CREB5: variants seen among roughly 807,000 people sequenced by gnomAD.
The protein encoded by CREB5 is cyclic AMP-responsive element-binding protein 5.
CREB5 carries 19 observed loss-of-function variants against 57.1 expected under a neutral mutation model. The observed-to-expected ratio is 0.33, with a 90% CI of 0.23 to 0.49. The LOEUF (loss-of-function observed/expected upper bound fraction) is 0.49. Among genes scored for constraint, CREB5 ranks in the 20% least tolerant of loss-of-function variants. CREB5 has a pLI of 0.99. For synonymous variants in CREB5, 238 were observed against 238.3 expected, an observed-to-expected ratio of 1.00 and a Z score of 0.01; for missense variants, 579 against 671.6, an observed-to-expected ratio of 0.86 and a Z score of 1.52.
rs1810002430 is a variant in CREB5 at position 28,825,344 on chromosome 7, G to A, written c.*6065G>A. The A allele has an allele frequency of 2.0e-5, 3 of 152,288 alleles. No individual in the cohort carries two copies. Among genetic ancestry groups the A allele is most frequent in the African/African-American group, 4.8e-5 (2 of 41,428 alleles). The allele number at this position is 152,288 out of a possible 1,614,324, so 9.4% of individuals were successfully genotyped here. On this transcript the variant is annotated 3_prime_UTR_variant, in exon 11 of 11. Coordinates refer to ENST00000357727, the MANE Select transcript of CREB5 (RefSeq NM_182898.4). ...GAATGTTGCCTTTGAGAACTGTCTT[G>A]GAGAACAGATAAGCTTGAAATGTTC...
intron 1 of CREB5, among the ~76,000 whole-genome samples, chr7:28,464,496 C>CGTGTGTGTGTGTGTGTGTGT (rs71555745): frequency 7.2e-6 from 1 of 139,576 alleles, no homozygotes; most frequent in African/African-American, 2.7e-5. Flanking sequence ...TGGAAAGTTG[C>CGTGTGTGTGTGTGTGTGTGT]GTGTGTGTGT....
At chr7:28,414,957 A>G (rs1787968467) in intron 1 of CREB5, among the ~76,000 whole-genome samples, 1 of 152,130 alleles carries the variant, frequency 6.6e-6, no homozygotes, top group Non-Finnish European at 1.5e-5. Flanking sequence ...TTATATTGAC[A>G]TTTCAATATT....
At chr7:28,323,565 G>A (rs1785527976) in intron 1 of CREB5, among the ~76,000 whole-genome samples, 1 of 151,484 alleles carries the variant, frequency 6.6e-6, no homozygotes, top group South Asian at 2.1e-4. Context: ...ACCACTTTTC[G>A]GCTCCTGAAC....
intron 3 of CREB5, 118 bp from the exon 4 acceptor site, chr7:28,507,498 G>T (rs1005024517): frequency 4.2e-6 from 5 of 1,202,664 alleles, no homozygotes; most frequent in Admixed American, 4.8e-5. Flanking sequence ...CAAGAGACTG[G>T]ATGGCTAGTG....
intron 5 of CREB5, among the ~76,000 whole-genome samples, chr7:28,588,429 C>T (rs766685145): frequency 1.3e-4 from 20 of 152,058 alleles, no homozygotes; most frequent in African/African-American, 2.2e-4. Flanking sequence ...TTATCTAGTA[C>T]GGAGGAACTA....
chr7:28,305,667 C>T (rs1785169157), intron 1 of CREB5, among the ~76,000 whole-genome samples: 2 of 152,020 alleles, frequency 1.3e-5, no homozygotes, highest in Admixed American at 1.3e-4. Flanking sequence ...TCCTGGATCA[C>T]TCAGCATTAG....
At chr7:28,408,577 C>T (rs1787640772), upstream of CREB5, among the ~76,000 whole-genome samples, 1 of 152,158 alleles carries the variant, frequency 6.6e-6, no homozygotes, top group Non-Finnish European at 1.5e-5. Flanking sequence ...GCCAAGGGCC[C>T]TTTCGGCTCT....
chr7:28,613,002 G>A (rs1307237618), intron 5 of CREB5, among the ~76,000 whole-genome samples: 1 of 152,144 alleles, frequency 6.6e-6, no homozygotes, highest in East Asian at 1.9e-4. Context: ...CAAACTTCAT[G>A]CAGGAATTTG....
chr7:28,773,049 C>T (rs1464181069), intron 7 of CREB5, among the ~76,000 whole-genome samples: 1 of 152,186 alleles, frequency 6.6e-6, no homozygotes, highest in African/African-American at 2.4e-5. Flanking sequence ...GAGCTTTAGA[C>T]ATTGTTAGTC....
chr7:28,581,972 T>C (rs563844216), intron 5 of CREB5, among the ~76,000 whole-genome samples: 36 of 152,350 alleles, frequency 2.4e-4, no homozygotes, highest in Admixed American at 7.2e-4. Context: ...TCTTTTGCTA[T>C]TACCCTTTGC....
intron 1 of CREB5, among the ~76,000 whole-genome samples, chr7:28,373,568 C>A (rs6462078): frequency 0.76 from 115,402 of 151,186 alleles, 44,286 homozygotes; most frequent in East Asian, 1. Context: ...GGACCATAGG[C>A]ACATGCTACC....
At chr7:28,601,742 G>T (rs574220501) in intron 5 of CREB5, among the ~76,000 whole-genome samples, 2 of 152,246 alleles carry the variant, frequency 1.3e-5, no homozygotes, top group South Asian at 4.1e-4. Context: ...GGCTGAAAAA[G>T]TAAGCAAGGC....
upstream of CREB5, among the ~76,000 whole-genome samples, chr7:28,408,842 T>C (rs977723854): frequency 6.6e-6 from 1 of 152,100 alleles, no homozygotes; most frequent in Admixed American, 6.5e-5. Context: ...AATGAGGTCA[T>C]GACTGTCGCA....
chr7:28,408,236 A>G (rs915681289), upstream of CREB5, among the ~76,000 whole-genome samples: 31 of 152,072 alleles, frequency 2.0e-4, no homozygotes, highest in African/African-American at 7.2e-4. Context: ...TACCTGTCCT[A>G]CTTCTGGTAC....
intron 5 of CREB5, among the ~76,000 whole-genome samples, chr7:28,574,313 C>G (rs1209624646): frequency 6.6e-6 from 1 of 152,198 alleles, no homozygotes; most frequent in Non-Finnish European, 1.5e-5. Context: ...TTTTTATTAG[C>G]TATCATGTAA....
chr7:28,486,357 T>G (rs1791544053), intron 1 of CREB5, among the ~76,000 whole-genome samples: 1 of 151,932 alleles, frequency 6.6e-6, no homozygotes, highest in African/African-American at 2.4e-5. Context: ...TGGTTTTGGT[T>G]GAAAGATAGT....
chr7:28,336,096 G>T (rs1470002122), intron 1 of CREB5, among the ~76,000 whole-genome samples: 2 of 152,082 alleles, frequency 1.3e-5, no homozygotes, highest in East Asian at 3.9e-4. Flanking sequence ...AACTCAGTTT[G>T]CTAGTATTTT....
intron 5 of CREB5, among the ~76,000 whole-genome samples, chr7:28,573,386 G>C (rs1795778953): frequency 6.6e-6 from 1 of 152,146 alleles, no homozygotes; most frequent in Admixed American, 6.5e-5. Flanking sequence ...GTTTGCCATG[G>C]CTACTGGCCA....
At chr7:28,465,303 C>A (rs1790518314) in intron 1 of CREB5, among the ~76,000 whole-genome samples, 1 of 152,136 alleles carries the variant, frequency 6.6e-6, no homozygotes, top group African/African-American at 2.4e-5. Flanking sequence ...CAGTGCAGAG[C>A]AATTTGCTGC....
Sources: allele counts gnomAD v4.1 joint callset (sites outside exome capture counted in the v4.1 genomes callset), GRCh38; gene constraint gnomAD v4.1.1; transcripts MANE v1.5; gene names NCBI Gene and HGNC (gene_info 2026-07-23, HGNC 2026-07-21).